Variants in CNTNAP5 observed in about 807,000 individuals in gnomAD.
The protein encoded by CNTNAP5 is contactin associated protein family member 5, also known as contactin-associated protein-like 5.
CNTNAP5 carries 72 observed loss-of-function variants against 150.2 expected under a neutral mutation model. The observed-to-expected ratio is 0.48, with a 90% CI of 0.40 to 0.58. CNTNAP5 has a LOEUF of 0.58. CNTNAP5 is among the 20% of genes least tolerant of loss of function. The pLI, the probability that CNTNAP5 is intolerant of heterozygous loss-of-function variation, is 0.00. For missense variants in CNTNAP5, 1,636 were observed against 1,626.2 expected, an observed-to-expected ratio of 1.01 and a Z score of -0.10; for synonymous variants, 672 against 619.8, an observed-to-expected ratio of 1.08 and a Z score of -1.25.
chr2:124,203,597 A>G (rs1685782922), intron 1 of CNTNAP5, among the ~76,000 whole-genome samples: 1 of 152,090 alleles, frequency 6.6e-6, no homozygotes, highest in African/African-American at 2.4e-5. Flanking sequence ...ATTTCCATAC[A>G]TCCTCTGAAA....
intron 2 of CNTNAP5, among the ~76,000 whole-genome samples, chr2:124,231,265 C>T (rs1458704388): frequency 2.6e-5 from 4 of 152,158 alleles, no homozygotes; most frequent in Non-Finnish European, 2.9e-5. Context: ...TCAAAGTTGG[C>T]TAAGTTATTA....
At chr2:124,131,927 G>A (rs1195769457) in intron 1 of CNTNAP5, among the ~76,000 whole-genome samples, 1 of 152,120 alleles carries the variant, frequency 6.6e-6, no homozygotes, top group African/African-American at 2.4e-5. Context: ...AGCGTGCAAT[G>A]GGTGTGTGTG....
chr2:124,879,423 G>A (rs1677924194), intron 21 of CNTNAP5, among the ~76,000 whole-genome samples: 1 of 152,130 alleles, frequency 6.6e-6, no homozygotes, highest in African/African-American at 2.4e-5. Context: ...TGTGCAGCTA[G>A]CTGCCTCCCA....
intron 1 of CNTNAP5, among the ~76,000 whole-genome samples, chr2:124,086,189 T>C (rs1573743509): frequency 2.0e-4 from 1 of 4,956 alleles, no homozygotes; most frequent in East Asian, 1.2e-3. Context: ...GTGTACACAC[T>C]TTTTTTTTTT....
chr2:124,740,527 C>T (rs993260497), intron 13 of CNTNAP5, among the ~76,000 whole-genome samples: 3 of 152,130 alleles, frequency 2.0e-5, no homozygotes, highest in Non-Finnish European at 2.9e-5. Flanking sequence ...ATATAAATCA[C>T]ATGTGGGACG....
At chr2:124,030,942 C>G (rs1681030827) in intron 1 of CNTNAP5, among the ~76,000 whole-genome samples, 1 of 152,054 alleles carries the variant, frequency 6.6e-6, no homozygotes, top group Non-Finnish European at 1.5e-5. Flanking sequence ...ATTCCTTGTC[C>G]TAGCACAGGA....
chr2:124,400,043 G>T (rs1691365076), intron 3 of CNTNAP5, among the ~76,000 whole-genome samples: 1 of 151,066 alleles, frequency 6.6e-6, no homozygotes, highest in African/African-American at 2.4e-5. Context: ...CTCCCATTAA[G>T]ACATTATATT....
intron 11 of CNTNAP5, among the ~76,000 whole-genome samples, chr2:124,600,922 A>T (rs1284303677): frequency 6.6e-6 from 1 of 152,212 alleles, no homozygotes; most frequent in Non-Finnish European, 1.5e-5. Context: ...AGAAACAAAC[A>T]AATCCACATT....
chr2:124,756,080 A>G (rs1033285197), intron 14 of CNTNAP5, among the ~76,000 whole-genome samples: 3 of 152,200 alleles, frequency 2.0e-5, no homozygotes, highest in Admixed American at 6.5e-5. Context: ...AGATTTATCA[A>G]CCATCTTTTT....
At chr2:124,065,898 T>C (rs1273890752) in intron 1 of CNTNAP5, among the ~76,000 whole-genome samples, 42 of 152,190 alleles carry the variant, frequency 2.8e-4, no homozygotes, top group Non-Finnish European at 5.9e-5. Context: ...CAGCTTAAAG[T>C]CCATCTGCTT....
intron 8 of CNTNAP5, among the ~76,000 whole-genome samples, chr2:124,512,251 C>T (rs539185414): frequency 1.3e-5 from 2 of 151,894 alleles, no homozygotes; most frequent in African/African-American, 4.8e-5. Context: ...CCAGAGCTTC[C>T]TAGATGCACA....
chr2:124,098,049 A>T (rs1422137479), intron 1 of CNTNAP5, among the ~76,000 whole-genome samples: 3 of 152,122 alleles, frequency 2.0e-5, no homozygotes, highest in Non-Finnish European at 4.4e-5. Context: ...ATAAATAGAT[A>T]AAAAAACAAA....
chr2:124,658,579 A>T (rs1678507601), intron 13 of CNTNAP5, among the ~76,000 whole-genome samples: 1 of 152,000 alleles, frequency 6.6e-6, no homozygotes, highest in Non-Finnish European at 1.5e-5. Context: ...ATTTTTTGAC[A>T]CCTTCATACA....
At chr2:124,162,931 CAG>C (rs543721927) in intron 1 of CNTNAP5, among the ~76,000 whole-genome samples, 54 of 152,222 alleles carry the variant, frequency 3.5e-4, no homozygotes, top group African/African-American at 1.1e-3. Context: ...CAAAGACAGA[CAG>C]AGTCCTTTGA....
chr2:124,497,411 T>C (rs1432720418), intron 7 of CNTNAP5, among the ~76,000 whole-genome samples: 1 of 152,194 alleles, frequency 6.6e-6, no homozygotes, highest in African/African-American at 2.4e-5. Flanking sequence ...GGCAAGTAAT[T>C]CAGTAAAAGT....
intron 3 of CNTNAP5, among the ~76,000 whole-genome samples, chr2:124,251,007 TAG>T (rs1186387835): frequency 1.3e-5 from 2 of 152,112 alleles, no homozygotes. Flanking sequence ...CTAATAAAAG[TAG>T]AGAGTGCAAA....
At chr2:124,584,281 G>A (rs1380010374) in intron 11 of CNTNAP5, among the ~76,000 whole-genome samples, 1 of 152,102 alleles carries the variant, frequency 6.6e-6, no homozygotes, top group Non-Finnish European at 1.5e-5. Flanking sequence ...CTAGCCCAGA[G>A]CTTTCTGCCT....
intron 1 of CNTNAP5, among the ~76,000 whole-genome samples, chr2:124,055,461 C>A (rs531151442): frequency 6.6e-6 from 1 of 152,114 alleles, no homozygotes; most frequent in South Asian, 2.1e-4. Flanking sequence ...CCTTCTCTGC[C>A]AGCCTATATC....
intron 11 of CNTNAP5, among the ~76,000 whole-genome samples, chr2:124,608,179 A>G (rs1253775901): frequency 6.6e-6 from 1 of 152,116 alleles, no homozygotes; most frequent in African/African-American, 2.4e-5. Context: ...AGTTGGTACT[A>G]TATCTTGAAA....
Sources: allele counts gnomAD v4.1 joint callset (sites outside exome capture counted in the v4.1 genomes callset), GRCh38; gene constraint gnomAD v4.1.1; transcripts MANE v1.5; gene names NCBI Gene and HGNC (gene_info 2026-07-23, HGNC 2026-07-21).